Variants in LRRIQ3 observed in about 807,000 individuals in gnomAD.
LRRIQ3 encodes the protein leucine rich repeats and IQ motif containing 3.
A neutral mutation model predicts 59.3 loss-of-function variants in LRRIQ3; 75 were observed. The observed-to-expected ratio is 1.26, with a 90% confidence interval of 1.05 to 1.53. The LOEUF (loss-of-function observed/expected upper bound fraction) is 1.53. Ranked by LOEUF, LRRIQ3 falls within the 40% of genes most tolerant of loss-of-function variation. The probability of loss-of-function intolerance (pLI) is 0.00; values close to 1 mark genes in which losing one functional copy is unlikely to be tolerated. For synonymous variants in LRRIQ3, 250 were observed against 231.3 expected, an observed-to-expected ratio of 1.08 and a Z score of -0.73; for missense variants, 831 against 710.0, an observed-to-expected ratio of 1.17 and a Z score of -1.94.
At chr1:74,189,668 T>C (rs1236896963) in intron 1 of LRRIQ3, among the ~76,000 whole-genome samples, 1 of 152,100 alleles carries the variant, frequency 6.6e-6, no homozygotes, top group African/African-American at 2.4e-5. Flanking sequence ...GTTTTCTCCA[T>C]ACCGTTCTTG....
intron 4 of LRRIQ3, among the ~76,000 whole-genome samples, chr1:74,150,836 G>A (rs764709559): frequency 2.6e-5 from 4 of 151,650 alleles, no homozygotes; most frequent in Non-Finnish European, 5.9e-5. Flanking sequence ...TTACTCTTCT[G>A]ATACTTATAT....
At chr1:74,122,535 A>G (rs1646875104) in intron 4 of LRRIQ3, among the ~76,000 whole-genome samples, 1 of 152,130 alleles carries the variant, frequency 6.6e-6, no homozygotes, top group Non-Finnish European at 1.5e-5. Flanking sequence ...CATATCTACA[A>G]TCATCTAATC....
chr1:74,027,249 C>T (rs1051918367), intron 7 of LRRIQ3, among the ~76,000 whole-genome samples: 7 of 152,038 alleles, frequency 4.6e-5, no homozygotes, highest in Non-Finnish European at 8.8e-5. Context: ...TAAAATACAT[C>T]TCCTTAAGCC....
At chr1:74,031,490 T>C (rs892090139) in intron 7 of LRRIQ3, among the ~76,000 whole-genome samples, 5 of 151,926 alleles carry the variant, frequency 3.3e-5, no homozygotes, top group Non-Finnish European at 5.9e-5. Context: ...GAAACCATCA[T>C]TCTCAGCAAA....
intron 4 of LRRIQ3, among the ~76,000 whole-genome samples, chr1:74,141,734 T>C (rs1268965450): frequency 4.0e-5 from 6 of 151,840 alleles, no homozygotes; most frequent in African/African-American, 1.4e-4. Flanking sequence ...ATGAGTTATA[T>C]AAAACTAAGA....
At chr1:74,028,860 C>A (rs1364702034) in intron 7 of LRRIQ3, among the ~76,000 whole-genome samples, 2 of 151,734 alleles carry the variant, frequency 1.3e-5, no homozygotes, top group Non-Finnish European at 2.9e-5. Context: ...GTACTATAAG[C>A]CTAGAAATCA....
At chr1:74,181,359 CT>C (rs1649968296) in intron 3 of LRRIQ3, 1 of 151,972 alleles carries the variant, frequency 6.6e-6, no homozygotes, top group South Asian at 2.1e-4. Flanking sequence ...TCATAGAGCA[CT>C]TACTATGAGG....
intron 7 of LRRIQ3, among the ~76,000 whole-genome samples, chr1:74,032,309 A>AATGAACAATTATGTAAG (rs2100362150): frequency 6.6e-6 from 1 of 152,146 alleles, no homozygotes; most frequent in Non-Finnish European, 1.5e-5. Flanking sequence ...ATAACAATTT[A>AATGAACAATTATGTAAG]CCCATAAATG....
At chr1:74,054,739 A>ATAT (rs1654470632) in intron 6 of LRRIQ3, among the ~76,000 whole-genome samples, 13 of 141,796 alleles carry the variant, frequency 9.2e-5, no homozygotes, top group Admixed American at 7.9e-4. Flanking sequence ...AGAAAACACA[A>ATAT]ATATATATAT....
rs557895402 is a variant in LRRIQ3, at chr1:74,109,886, A to AT, written c.708-334dup. 3.2e-3 allele frequency among the ~76,000 whole-genome samples: 478 copies of AT among 151,478 alleles called. 3 individuals carry two copies. The highest frequency in any genetic ancestry group is 0.011 in the African/African-American group (460 of 41,418). On this transcript the variant is annotated intron_variant, in intron 4 of 7. Coordinates refer to ENST00000354431, the MANE Select transcript of LRRIQ3 (RefSeq NM_001105659.2). Reference sequence around the variant, plus strand: ...AACATAAGGTAAACAGTGTGAAGTTATTTTTTTTCCAAACCTAGTGAAGAA... The same window carrying AT: ...AACATAAGGTAAACAGTGTGAAGTTATTTTTTTTTCCAAACCTAGTGAAGAA...
intron 4 of LRRIQ3, among the ~76,000 whole-genome samples, chr1:74,150,603 G>C (rs1647868783): frequency 6.6e-6 from 1 of 152,004 alleles, no homozygotes; most frequent in Non-Finnish European, 1.5e-5. Context: ...CTAAAACCTA[G>C]TTTATTATAG....
chr1:74,135,492 C>G lies in LRRIQ3; in HGVS notation c.707+20241G>C, dbSNP rs571834144. Among the ~76,000 whole-genome samples, 63 of 151,892 alleles carry G rather than the reference C, an allele frequency of 4.1e-4. 1 individual carries two copies. Among genetic ancestry groups the G allele is most frequent in the African/African-American group, 1.4e-3 (60 of 41,494 alleles). On this transcript the variant is annotated intron_variant, in intron 4 of 7. Coordinates refer to ENST00000354431, the MANE Select transcript of LRRIQ3 (RefSeq NM_001105659.2). ...ACATTCTCCAGGATATATCTCATAACAAGGCTATAAATAAGTCTCAATAAA... is the reference window on the plus strand; with the variant it reads ...ACATTCTCCAGGATATATCTCATAAGAAGGCTATAAATAAGTCTCAATAAA...
At chr1:74,055,211 T>C (rs536687178) in intron 6 of LRRIQ3, among the ~76,000 whole-genome samples, 3,937 of 127,634 alleles carry the variant, frequency 0.031, 170 homozygotes, top group African/African-American at 0.099. Flanking sequence ...TATATATATA[T>C]ACACACACAT....
chr1:74,041,164 TCA>T lies in LRRIQ3; in HGVS notation c.1718+47_1718+48del, dbSNP rs779911407. 4.3e-6 allele frequency: 6 copies of T among 1,392,784 alleles called. No individual in the cohort carries two copies. The South Asian group carries it at 7.0e-5, about 16-fold the overall frequency. The allele number at this position is 1,392,784 out of a possible 1,614,324, so 86.3% of individuals were successfully genotyped here. On this transcript the variant is annotated intron_variant, in intron 7 of 7. Coordinates refer to ENST00000354431, the MANE Select transcript of LRRIQ3 (RefSeq NM_001105659.2). The stretch of plus-strand genomic sequence containing the variant: ...GGTCTTAAAATTTAGCATGCAATAT[TCA>T]CATGTAATTGACTTTAATGCCTCTG...
chr1:74,115,115 A>G (rs1478495728), intron 4 of LRRIQ3, among the ~76,000 whole-genome samples: 1 of 152,102 alleles, frequency 6.6e-6, no homozygotes, highest in African/African-American at 2.4e-5. Context: ...CACAACCTAC[A>G]GATATTAAAA....
At chr1:74,191,562 A>G (rs1373704459) in intron 1 of LRRIQ3, among the ~76,000 whole-genome samples, 1 of 152,116 alleles carries the variant, frequency 6.6e-6, no homozygotes, top group Admixed American at 6.6e-5. Context: ...TGCCTTATCA[A>G]ATTCAAAAGA....
At chr1:74,054,764 A>ATATC (rs1282233588) in intron 6 of LRRIQ3, among the ~76,000 whole-genome samples, 14 of 147,770 alleles carry the variant, frequency 9.5e-5, no homozygotes, top group Non-Finnish European at 1.5e-5. Context: ...ATATCTATAT[A>ATATC]TCTACATACA....
chr1:74,062,015 C>G (rs1654734364), intron 6 of LRRIQ3, among the ~76,000 whole-genome samples: 1 of 152,050 alleles, frequency 6.6e-6, no homozygotes, highest in Admixed American at 6.6e-5. Context: ...GCCTGGGAGA[C>G]AGAGTGAGAG....
intron 3 of LRRIQ3, among the ~76,000 whole-genome samples, chr1:74,178,217 C>A (rs532158560): frequency 5.3e-5 from 8 of 152,012 alleles, no homozygotes; most frequent in South Asian, 4.2e-4. Flanking sequence ...AACTTTATTT[C>A]AGTTTTTACA....
Sources: allele counts gnomAD v4.1 joint callset (sites outside exome capture counted in the v4.1 genomes callset), GRCh38; gene constraint gnomAD v4.1.1; transcripts MANE v1.5; gene names NCBI Gene and HGNC (gene_info 2026-07-23, HGNC 2026-07-21).